EDN1: variants seen among roughly 807,000 people sequenced by gnomAD.
The protein encoded by EDN1 is endothelin 1.
A neutral mutation model predicts 21.7 loss-of-function variants in EDN1; 11 were observed. That is an observed-to-expected ratio of 0.51 (90% CI 0.32 to 0.84). The LOEUF is 0.84. EDN1 is among the 40% of genes least tolerant of loss of function. EDN1 has a pLI of 0.03. For synonymous variants in EDN1, 85 were observed against 90.6 expected, an observed-to-expected ratio of 0.94 and a Z score of 0.35; for missense variants, 244 against 262.3, an observed-to-expected ratio of 0.93 and a Z score of 0.48.
chr6:12,249,086 T>G, the EDN1 span, among the ~76,000 whole-genome samples: 3 of 152,206 alleles, frequency 2.0e-5, no homozygotes, highest in African/African-American at 7.2e-5. Context: ...AGTGTTTCTA[T>G]GAATCATCTG....
the EDN1 span, among the ~76,000 whole-genome samples, chr6:12,283,044 T>C: frequency 6.6e-6 from 1 of 152,226 alleles, no homozygotes; most frequent in Non-Finnish European, 1.5e-5. Context: ...AAATGGTTTT[T>C]CTTTCCATCA....
chr6:12,267,162 C>G, the EDN1 span, among the ~76,000 whole-genome samples: 1 of 152,154 alleles, frequency 6.6e-6, no homozygotes, highest in Non-Finnish European at 1.5e-5. Flanking sequence ...TTGAGCAAGT[C>G]TATTGGCACC....
chr6:12,248,314 T>G, the EDN1 span, among the ~76,000 whole-genome samples: 35 of 152,254 alleles, frequency 2.3e-4, no homozygotes, highest in African/African-American at 8.4e-4. Flanking sequence ...GGTCTGAAAC[T>G]TCTAGCTTCT....
At chr6:12,239,522 C>A in the EDN1 span, among the ~76,000 whole-genome samples, 9 of 152,174 alleles carry the variant, frequency 5.9e-5, no homozygotes, top group African/African-American at 2.2e-4. Context: ...CTTCTCCTGC[C>A]TCTTTTCTCA....
the EDN1 span, among the ~76,000 whole-genome samples, chr6:12,238,908 G>A: frequency 1.3e-5 from 2 of 152,242 alleles, no homozygotes; most frequent in South Asian, 2.1e-4. Context: ...AATATATACA[G>A]CACTGACGCC....
chr6:12,232,078 TATA>T, the EDN1 span, among the ~76,000 whole-genome samples: 2 of 147,978 alleles, frequency 1.4e-5, no homozygotes, highest in African/African-American at 4.9e-5. Context: ...ATATGAAGCA[TATA>T]ATGTGTATAT....
the EDN1 span, among the ~76,000 whole-genome samples, chr6:12,277,778 A>T: frequency 6.6e-6 from 1 of 152,256 alleles, no homozygotes; most frequent in African/African-American, 2.4e-5. Context: ...AAGGGCCTCC[A>T]GGGCGGGACT....
the EDN1 span, among the ~76,000 whole-genome samples, chr6:12,239,852 T>C: frequency 3.3e-5 from 5 of 152,208 alleles, no homozygotes; most frequent in South Asian, 1.0e-3. Flanking sequence ...GAGGTTGTAG[T>C]GATCTGAGAT....
the EDN1 span, among the ~76,000 whole-genome samples, chr6:12,282,459 C>A: frequency 2.0e-5 from 3 of 152,202 alleles, no homozygotes; most frequent in Non-Finnish European, 4.4e-5. Flanking sequence ...AGATTATGTG[C>A]TTTACATACA....
rs896617248 is a variant in EDN1 at position 12,292,283 on chromosome 6, G to C, written c.65-58G>C. 1.2e-5 allele frequency: 19 copies of C among 1,606,640 alleles called. No individual in the cohort carries two copies. In the South Asian group the frequency reaches 2.1e-4, roughly 18 times the overall value. The stretch of plus-strand genomic sequence containing the variant: ...CTAGCTCTGACTCTACTGTGATCCA[G>C]CATGTCTCTCGGCGTTTGAGGAGAC... On this transcript the variant is annotated intron_variant, in intron 1 of 4. Coordinates refer to ENST00000379375, the MANE Select transcript of EDN1 (RefSeq NM_001955.5).
chr6:12,256,776 T>C, the EDN1 span, among the ~76,000 whole-genome samples: 1 of 152,268 alleles, frequency 6.6e-6, no homozygotes, highest in Non-Finnish European at 1.5e-5. Context: ...ATAGTAGTAG[T>C]AATCTTTGTA....
the EDN1 span, among the ~76,000 whole-genome samples, chr6:12,277,755 C>T: frequency 2.0e-5 from 3 of 152,178 alleles, no homozygotes; most frequent in South Asian, 2.1e-4. Flanking sequence ...AAGACAATGG[C>T]GTGATAGACA....
At chr6:12,270,921 C>T in the EDN1 span, among the ~76,000 whole-genome samples, 1 of 152,142 alleles carries the variant, frequency 6.6e-6, no homozygotes, top group Non-Finnish European at 1.5e-5. Context: ...CCCTTTAGAT[C>T]TAATAATATT....
At chr6:12,266,961 A>G in the EDN1 span, among the ~76,000 whole-genome samples, 2 of 152,348 alleles carry the variant, frequency 1.3e-5, no homozygotes, top group East Asian at 1.9e-4. Flanking sequence ...GATGATTTGC[A>G]TATATTCAGG....
chr6:12,282,295 G>A, the EDN1 span, among the ~76,000 whole-genome samples: 4 of 152,234 alleles, frequency 2.6e-5, no homozygotes, highest in Non-Finnish European at 4.4e-5. Flanking sequence ...TAGAATGGAT[G>A]TGGTGGGAGA....
chr6:12,285,165 CTT>C, the EDN1 span, among the ~76,000 whole-genome samples: 1 of 151,994 alleles, frequency 6.6e-6, no homozygotes, highest in East Asian at 1.9e-4. Context: ...ATTATTTTCT[CTT>C]AGTCTAATTT....
the EDN1 span, among the ~76,000 whole-genome samples, chr6:12,264,145 G>T: frequency 6.6e-6 from 1 of 152,144 alleles, no homozygotes; most frequent in Non-Finnish European, 1.5e-5. Context: ...TTTCCTATGG[G>T]TAGGTCTTTG....
At chr6:12,255,809 G>A in the EDN1 span, among the ~76,000 whole-genome samples, 1 of 152,192 alleles carries the variant, frequency 6.6e-6, no homozygotes, top group Non-Finnish European at 1.5e-5. Context: ...TTGAATATCA[G>A]CTATTTCTTA....
chr6:12,264,204 G>A, the EDN1 span, among the ~76,000 whole-genome samples: 3 of 152,286 alleles, frequency 2.0e-5, no homozygotes, highest in East Asian at 5.8e-4. Context: ...CCAGGCACCT[G>A]AAGCAGTACA....
Sources: gnomAD v4.1 joint callset for allele counts (sites outside exome capture counted in the v4.1 genomes callset) on GRCh38, gnomAD v4.1.1 for gene constraint, MANE v1.5 for transcripts, NCBI Gene and HGNC (gene_info 2026-07-23, HGNC 2026-07-21) for gene names.